Variants in GHITM observed in about 807,000 individuals in gnomAD.
GHITM encodes growth hormone inducible transmembrane protein.
A neutral mutation model predicts 38.7 loss-of-function variants in GHITM; 24 were observed. That is an observed-to-expected ratio of 0.62 (90% CI 0.45 to 0.87). GHITM has a LOEUF of 0.87. GHITM is among the 40% of genes least tolerant of loss of function. The pLI, the probability that GHITM is intolerant of heterozygous loss-of-function variation, is 0.00. For missense variants in GHITM, 420 were observed against 429.8 expected, an observed-to-expected ratio of 0.98 and a Z score of 0.20; for synonymous variants, 154 against 147.8, an observed-to-expected ratio of 1.04 and a Z score of -0.30.
intron 5 of GHITM, among the ~76,000 whole-genome samples, chr10:84,147,624 T>C (rs976739341): frequency 8.0e-6 from 1 of 125,494 alleles, no homozygotes; most frequent in Non-Finnish European, 1.9e-5. Flanking sequence ...TTCTTTTTTT[T>C]TGTTTGTTTT....
chr10:84,147,427 A>G (rs1055955609), intron 5 of GHITM, among the ~76,000 whole-genome samples: 1 of 152,112 alleles, frequency 6.6e-6, no homozygotes, highest in Non-Finnish European at 1.5e-5. Flanking sequence ...AGGTTTTCCC[A>G]TTCTTGGCAA....
At chr10:84,139,735 G>C (rs1206379013) in intron 1 of GHITM, 142 bp downstream of exon 1, 1 of 152,960 alleles carries the variant, frequency 6.5e-6, no homozygotes, top group Non-Finnish European at 1.5e-5. Flanking sequence ...CGTTGGGGTC[G>C]CAGTCCTGTG....
rs199600489 is a variant in GHITM at position 84,141,598 on chromosome 10, C to G, written c.98C>G (p.Thr33Arg). Residue 33 changes from threonine (T) to arginine (R), a missense_variant, in exon 2 of 9, where the codon ACG (threonine) becomes AGG (arginine). Transcript: ENST00000372134. ...TCCCCTGTTGTGAAGAATTCCATCA[C>G]GAAGAATCAATGGCTGTTAACACCT... is the stretch of plus-strand genomic sequence containing the variant. ...KASPVVKNSI[T>R]KNQWLLTPSR... 3.1e-5 allele frequency: 50 copies of G among 1,613,582 alleles called. No individual in the cohort carries two copies. Among genetic ancestry groups the G allele is most frequent in the Non-Finnish European group, 4.2e-5 (49 of 1,179,502 alleles).
intron 2 of GHITM, among the ~76,000 whole-genome samples, chr10:84,142,167 C>T (rs1355100626): frequency 6.6e-6 from 1 of 152,184 alleles, no homozygotes; most frequent in Non-Finnish European, 1.5e-5. Context: ...AACTGTTCCA[C>T]TGTTGAAAAA....
intron 2 of GHITM, among the ~76,000 whole-genome samples, chr10:84,142,361 G>A (rs1841515473): frequency 6.6e-6 from 1 of 152,188 alleles, no homozygotes; most frequent in South Asian, 2.1e-4. Flanking sequence ...ACAATTCTAG[G>A]TATGTAAATC....
rs1454575081 is a variant in GHITM, at chr10:84,153,472, T to G, written c.*1124T>G. ...TCCCCTAGCAGACTTTTACTTCTCT[T>G]ACACTGCTACACCATTACTTTCTTG... On this transcript the variant is annotated 3_prime_UTR_variant, in exon 9 of 9. Coordinates refer to ENST00000372134, the MANE Select transcript of GHITM (RefSeq NM_014394.3). 6.6e-6 allele frequency among the ~76,000 whole-genome samples: 1 copy of G among 152,230 alleles called. No individual in the cohort carries two copies. Among genetic ancestry groups the G allele is most frequent in the Admixed American group, 6.5e-5 (1 of 15,288 alleles).
chr10:84,145,843 G>C (rs1841551948), intron 5 of GHITM, among the ~76,000 whole-genome samples: 1 of 152,166 alleles, frequency 6.6e-6, no homozygotes, highest in African/African-American at 2.4e-5. Flanking sequence ...CAAGTTCCGT[G>C]AAGGAGACAT....
chr10:84,144,745 T>G, intron 4 of GHITM, 130 bp from the exon 5 acceptor site: 1 of 540,038 alleles, frequency 1.9e-6, no homozygotes, highest in East Asian at 3.0e-5. Flanking sequence ...CATAATTATT[T>G]CCATGATAAA....
chr10:84,144,130 C>T (rs374301301), intron 4 of GHITM, 24 bp downstream of exon 4: 2 of 1,463,456 alleles, frequency 1.4e-6, no homozygotes, highest in Middle Eastern at 1.7e-4. Context: ...TTTAAGTAAA[C>T]TGTTCCTAAA....
intron 3 of GHITM, 101 bp downstream of exon 3, chr10:84,142,855 G>C: frequency 1.8e-6 from 1 of 553,600 alleles, no homozygotes; most frequent in Non-Finnish European, 3.2e-6. Context: ...TGCATTTTCT[G>C]GGAAGACCAC....
chr10:84,141,695 G>A (rs1841508717), intron 2 of GHITM, 66 bp downstream of exon 2: 1 of 1,494,798 alleles, frequency 6.7e-7, no homozygotes, highest in Non-Finnish European at 9.3e-7. Flanking sequence ...TTTTGGCAGA[G>A]TATGGCTGCT....
At chr10:84,150,969 GT>G in intron 8 of GHITM, 89 bp downstream of exon 8, 1 of 830,988 alleles carries the variant, frequency 1.2e-6, no homozygotes, top group Non-Finnish European at 2.0e-6. Flanking sequence ...GGCTGTATTA[GT>G]TTTCTAGGGA....
chr10:84,144,847 T>C (rs1436549183), intron 4 of GHITM, 28 bp from the exon 5 acceptor site: 4 of 1,510,460 alleles, frequency 2.6e-6, no homozygotes, highest in African/African-American at 2.8e-5. Context: ...TGTAATTTCA[T>C]AGATTAATCA....
At chr10:84,143,219 A>G (rs77694668) in intron 3 of GHITM, among the ~76,000 whole-genome samples, 2,533 of 152,320 alleles carry the variant, frequency 0.017, 81 homozygotes, top group African/African-American at 0.058. Context: ...CAGTTTGGAT[A>G]TCAACTTTGC....
chr10:84,149,294 A>G (rs1264557256), intron 6 of GHITM, among the ~76,000 whole-genome samples: 1 of 152,212 alleles, frequency 6.6e-6, no homozygotes, highest in East Asian at 1.9e-4. Context: ...TAGAGCAAAA[A>G]GTATTTTTAA....
At chr10:84,151,684 T>C (rs994907316) in intron 8 of GHITM, among the ~76,000 whole-genome samples, 8 of 151,778 alleles carry the variant, frequency 5.3e-5, no homozygotes, top group Non-Finnish European at 1.5e-5. Context: ...TTAATTGTTA[T>C]TATGTTTTTT....
In GHITM at chr10:84,141,725, C is replaced by T. The variant is rs539263616; in HGVS notation, c.129+96C>T. On this transcript the variant is annotated intron_variant, in intron 2 of 8. Coordinates refer to ENST00000372134, the MANE Select transcript of GHITM (RefSeq NM_014394.3). ...GCTGCTCTGCCTTTAGTGTGTTATA[C>T]GTCAGTTAGCCCTGATAATATCCCC... 23 of 1,143,240 alleles carry T rather than the reference C, an allele frequency of 2.0e-5. 1 individual carries two copies. The East Asian group carries it at 2.8e-4, about 14-fold the overall frequency. The allele number at this position is 1,143,240 out of a possible 1,614,324, so 70.8% of individuals were successfully genotyped here.
In GHITM at chr10:84,152,519, G is replaced by A. The variant is rs1027043283; in HGVS notation, c.*171G>A. 2 of 435,432 alleles carry A rather than the reference G, an allele frequency of 4.6e-6. No individual in the cohort carries two copies. The highest frequency in any genetic ancestry group is 8.2e-6 in the Non-Finnish European group (2 of 245,000). The allele number at this position is 435,432 out of a possible 1,614,324, so 27.0% of individuals were successfully genotyped here. On this transcript the variant is annotated 3_prime_UTR_variant, in exon 9 of 9. Transcript: ENST00000372134. ...TGCCTCAGGTCTGCCTTTTTTTCTGGAGAATAAATGCAGTAATCCTCTCCC... is the reference window on the plus strand; with the variant it reads ...TGCCTCAGGTCTGCCTTTTTTTCTGAAGAATAAATGCAGTAATCCTCTCCC...
rs1401382763 is a variant in GHITM, at chr10:84,150,788, C to T, written c.861C>T (p.Phe287=). 1.9e-6 allele frequency: 3 copies of T among 1,612,176 alleles called. No individual in the cohort carries two copies. In the Admixed American group the frequency reaches 5.0e-5, roughly 27 times the overall value. Residue 287 remains phenylalanine (F), a synonymous_variant, in exon 8 of 9, where the codon TTC becomes TTT. Transcript: ENST00000372134. ...CAATGTACGGTGGATTAGTTCTTTT[C>T]AGCATGTTCCTTCTGTATGATACCC... ...SVAMYGGLVL[F]SMFLLYDTQK... is the part of the protein sequence containing the mutation.
Sources: gnomAD v4.1 joint callset for allele counts (sites outside exome capture counted in the v4.1 genomes callset) on GRCh38, gnomAD v4.1.1 for gene constraint, MANE v1.5 for transcripts, NCBI Gene and HGNC (gene_info 2026-07-23, HGNC 2026-07-21) for gene names.